SPAG16: variants seen among roughly 807,000 people sequenced by gnomAD.
SPAG16 encodes the protein sperm associated antigen 16.
A neutral mutation model predicts 80.4 loss-of-function variants in SPAG16; 86 were observed. The ratio of observed to expected loss-of-function variants is 1.07; its 90% CI spans 0.90 to 1.28. The LOEUF is 1.28. Ranked by LOEUF, SPAG16 falls within the 50% of genes most tolerant of loss-of-function variation. The probability of loss-of-function intolerance (pLI) is 0.00; values close to 1 mark genes in which losing one functional copy is unlikely to be tolerated. For synonymous variants in SPAG16, 294 were observed against 265.9 expected, an observed-to-expected ratio of 1.11 and a Z score of -1.03; for missense variants, 870 against 765.3, an observed-to-expected ratio of 1.14 and a Z score of -1.61.
At chr2:214,236,799 T>C (rs1689113079) in intron 15 of SPAG16, among the ~76,000 whole-genome samples, 1 of 152,190 alleles carries the variant, frequency 6.6e-6, no homozygotes, top group Non-Finnish European at 1.5e-5. Flanking sequence ...GATGAGTTCC[T>C]TGAAATCATC....
At chr2:213,770,413 A>G (rs1211196375) in intron 10 of SPAG16, among the ~76,000 whole-genome samples, 1 of 152,098 alleles carries the variant, frequency 6.6e-6, no homozygotes, top group Non-Finnish European at 1.5e-5. Flanking sequence ...TTTCATTTTC[A>G]TCTTCTCAAC....
At chr2:214,398,424 C>A (rs1424857130) in intron 15 of SPAG16, among the ~76,000 whole-genome samples, 1 of 152,176 alleles carries the variant, frequency 6.6e-6, no homozygotes, top group Non-Finnish European at 1.5e-5. Flanking sequence ...CATTTTTATG[C>A]CTCCTGTATA....
At chr2:213,970,447 G>A (rs914024952) in intron 12 of SPAG16, among the ~76,000 whole-genome samples, 4 of 151,898 alleles carry the variant, frequency 2.6e-5, no homozygotes, top group African/African-American at 7.3e-5. Context: ...GACTACAGGC[G>A]CCCACCACAA....
intron 10 of SPAG16, among the ~76,000 whole-genome samples, chr2:213,682,126 C>T (rs1260562401): frequency 6.6e-6 from 1 of 152,122 alleles, no homozygotes; most frequent in East Asian, 1.9e-4. Flanking sequence ...CAGAATTGTC[C>T]TCAAGGCAAT....
At chr2:213,700,802 A>G (rs930732288) in intron 10 of SPAG16, among the ~76,000 whole-genome samples, 1 of 152,184 alleles carries the variant, frequency 6.6e-6, no homozygotes, top group African/African-American at 2.4e-5. Flanking sequence ...TATTTCTTTT[A>G]TAAGGTTTCC....
chr2:213,358,774 C>T (rs2065815703), intron 7 of SPAG16, among the ~76,000 whole-genome samples: 1 of 152,198 alleles, frequency 6.6e-6, no homozygotes, highest in Admixed American at 6.5e-5. Context: ...TCATCAAAGT[C>T]ATTCTCCATC....
intron 12 of SPAG16, among the ~76,000 whole-genome samples, chr2:213,936,302 G>T (rs1212089827): frequency 6.6e-6 from 1 of 152,144 alleles, no homozygotes; most frequent in African/African-American, 2.4e-5. Flanking sequence ...ACATATAATA[G>T]AGGGCCTTAT....
chr2:214,260,212 G>A (rs1180699086), intron 15 of SPAG16, among the ~76,000 whole-genome samples: 1 of 151,872 alleles, frequency 6.6e-6, no homozygotes, highest in African/African-American at 2.4e-5. Context: ...ACTATACATT[G>A]GGTACAGTAT....
At chr2:213,295,341 T>C (rs374375756) in intron 1 of SPAG16, among the ~76,000 whole-genome samples, 1 of 152,092 alleles carries the variant, frequency 6.6e-6, no homozygotes. Context: ...AACTTATAGT[T>C]TTTGAAAGTC....
At chr2:213,881,915 C>A (rs911356006) in intron 11 of SPAG16, among the ~76,000 whole-genome samples, 15 of 152,142 alleles carry the variant, frequency 9.9e-5, no homozygotes, top group African/African-American at 3.4e-4. Context: ...TATTCCAGTT[C>A]TCAAGGGCAA....
chr2:213,354,315 C>G (rs1420854299), intron 7 of SPAG16, among the ~76,000 whole-genome samples: 1 of 152,048 alleles, frequency 6.6e-6, no homozygotes, highest in Non-Finnish European at 1.5e-5. Flanking sequence ...GTTCCAAGTC[C>G]TTGCTATTGT....
chr2:213,918,605 C>T (rs1177705418), intron 11 of SPAG16, among the ~76,000 whole-genome samples: 1 of 152,130 alleles, frequency 6.6e-6, no homozygotes, highest in Admixed American at 6.5e-5. Flanking sequence ...GGGAGTTTCC[C>T]TGCACAAATT....
chr2:213,543,150 C>T (rs2076508740), intron 10 of SPAG16, among the ~76,000 whole-genome samples: 1 of 152,000 alleles, frequency 6.6e-6, no homozygotes, highest in Non-Finnish European at 1.5e-5. Flanking sequence ...CCTTGAAAGA[C>T]ACAAACTACC....
At chr2:214,357,307 C>A (rs1698881751) in intron 15 of SPAG16, among the ~76,000 whole-genome samples, 1 of 151,798 alleles carries the variant, frequency 6.6e-6, no homozygotes, top group African/African-American at 2.4e-5. Context: ...TCTCCATATC[C>A]TATGATCTCC....
intron 10 of SPAG16, among the ~76,000 whole-genome samples, chr2:213,566,648 A>C (rs1435442571): frequency 6.6e-6 from 1 of 152,206 alleles, no homozygotes; most frequent in Non-Finnish European, 1.5e-5. Context: ...ATGTTGACTA[A>C]AAATCAATTA....
At chr2:213,529,945 C>G (rs1381461447) in intron 10 of SPAG16, among the ~76,000 whole-genome samples, 2 of 152,094 alleles carry the variant, frequency 1.3e-5, no homozygotes, top group Non-Finnish European at 2.9e-5. Context: ...TTAGCAAAGG[C>G]CTACTCAGGG....
intron 9 of SPAG16, among the ~76,000 whole-genome samples, chr2:213,448,235 A>G (rs2071464396): frequency 6.6e-6 from 1 of 152,268 alleles, no homozygotes; most frequent in Non-Finnish European, 1.5e-5. Context: ...TGATTTCTCT[A>G]TCACACCATA....
chr2:213,798,926 C>T (rs563827441), intron 10 of SPAG16, among the ~76,000 whole-genome samples: 6 of 152,102 alleles, frequency 3.9e-5, no homozygotes, highest in Admixed American at 6.5e-5. Flanking sequence ...AATTATATTC[C>T]ATTTATTTAC....
At chr2:213,978,661 GGA>G (rs1454001284) in intron 12 of SPAG16, among the ~76,000 whole-genome samples, 1 of 152,124 alleles carries the variant, frequency 6.6e-6, no homozygotes, top group African/African-American at 2.4e-5. Flanking sequence ...TTGGGTACTA[GGA>G]ATCTTTGAGT....
Sources: allele counts gnomAD v4.1 joint callset (sites outside exome capture counted in the v4.1 genomes callset), GRCh38; gene constraint gnomAD v4.1.1; transcripts MANE v1.5; gene names NCBI Gene and HGNC (gene_info 2026-07-23, HGNC 2026-07-21).